NUP155: variants seen among roughly 807,000 people sequenced by gnomAD.
The protein encoded by NUP155 is nucleoporin 155, also known as nuclear pore complex protein Nup155.
In NUP155, 71 loss-of-function variants were observed where a neutral mutation model predicts 180.4. The observed-to-expected ratio is 0.39, with a 90% confidence interval of 0.33 to 0.48. The LOEUF is 0.48. Among genes scored for constraint, NUP155 ranks in the 20% least tolerant of loss-of-function variants. NUP155 has a pLI of 0.91. For missense variants in NUP155, 1,553 were observed against 1,648.9 expected (o/e 0.94, Z 1.01); for synonymous variants, 582 against 559.5 (o/e 1.04, Z -0.57).
intron 10 of NUP155, among the ~76,000 whole-genome samples, chr5:37,342,002 T>C (rs1004892252): frequency 6.6e-6 from 1 of 152,226 alleles, no homozygotes; most frequent in Non-Finnish European, 1.5e-5. Flanking sequence ...TTACAAAATG[T>C]CAGCCACTGC....
intron 9 of NUP155, among the ~76,000 whole-genome samples, chr5:37,346,213 G>C (rs1309284472): frequency 2.0e-5 from 3 of 151,966 alleles, no homozygotes; most frequent in African/African-American, 7.3e-5. Flanking sequence ...AGGAAATTGA[G>C]GCTATAGCAG....
At chr5:37,366,662 CT>C (rs34947301) in intron 1 of NUP155, among the ~76,000 whole-genome samples, 103,616 of 119,294 alleles carry the variant, frequency 0.87, 44,906 homozygotes, top group Middle Eastern at 0.95. Flanking sequence ...TAGTCTCAAT[CT>C]TTTTTTTTTT....
chr5:37,309,985 T>G (rs531638058), intron 23 of NUP155, among the ~76,000 whole-genome samples: 21 of 151,068 alleles, frequency 1.4e-4, no homozygotes, highest in African/African-American at 5.1e-4. Context: ...GAGGTGGAGG[T>G]TGCAGTGAGC....
At chr5:37,295,228 G>T (rs554250119) in intron 32 of NUP155, among the ~76,000 whole-genome samples, 1 of 152,040 alleles carries the variant, frequency 6.6e-6, no homozygotes, top group Non-Finnish European at 1.5e-5. Flanking sequence ...CGTATTTTTT[G>T]GGTGGAGACG....
Position 37,349,178 on chromosome 5 carries a change from T to G in NUP155, c.897A>C (p.Val299=), listed in dbSNP as rs1300468625. The G allele has an allele frequency of 2.7e-6, 2 of 737,274 alleles. No homozygotes were observed. Among genetic ancestry groups the G allele is most frequent in the African/African-American group, 3.6e-5 (2 of 55,826 alleles). The allele number at this position is 737,274 out of a possible 1,614,324, so 45.7% of individuals were successfully genotyped here. ...TAATAATATTAATACTAACCTGTAT[T>G]ACTCCTTTCTCAGATCGTGTATATA... The part of the protein sequence containing the change: ...NILYTRSEKG[V]IQVYDLGQDG... The change falls in exon 8 of 35, where the codon GTA becomes GTC. Residue 299 remains valine (V), a synonymous_variant. Transcript: ENST00000231498.
Position 37,355,634 on chromosome 5 carries a change from A to G in NUP155, c.463+2447T>C, listed in dbSNP as rs1434615059. Among the ~76,000 whole-genome samples the G allele has an allele frequency of 2.6e-5, 4 of 151,572 alleles. No homozygotes were observed. The East Asian group carries it at 5.9e-4, about 22-fold the overall frequency. The stretch of plus-strand genomic sequence containing the variant: ...CACTCTGTTGCCCAGGCTGGAGTGC[A>G]GTGGCGTGATCTTGGCTCACTGCAC... On this transcript the variant is annotated intron_variant, in intron 4 of 34. Transcript: ENST00000231498.
Position 37,294,450 on chromosome 5 carries a change from A to G in NUP155, c.3809T>C (p.Phe1270Ser), listed in dbSNP as rs1340307703. 2 of 1,613,918 alleles carry G rather than the reference A, an allele frequency of 1.2e-6. No individual in the cohort carries two copies. The highest frequency in any genetic ancestry group is 3.3e-5 in the Admixed American group (2 of 60,006). ...CAAAGTACAAACCTGCTGTTCTAAA[A>G]ACTGTACAATAAAATCTGGGAAGAA... is the stretch of plus-strand genomic sequence containing the variant. ...RFFPLDFIVQ[F>S]LEQQVCTLNW... is the part of the protein sequence containing the mutation. Residue 1270 changes from phenylalanine (F) to serine (S), a missense_variant, in exon 33 of 35, where the codon TTT becomes TCT. Phe to Ser is a radical substitution (Grantham distance 155). Coordinates refer to ENST00000231498, the MANE Select transcript of NUP155 (RefSeq NM_153485.3).
chr5:37,367,884 A>G (rs1178223258), intron 1 of NUP155, among the ~76,000 whole-genome samples: 1 of 151,932 alleles, frequency 6.6e-6, no homozygotes, highest in Admixed American at 6.6e-5. Context: ...CCCTGGTTCA[A>G]GCGATTGTCC....
intron 32 of NUP155, among the ~76,000 whole-genome samples, chr5:37,297,837 G>T (rs1209080830): frequency 6.6e-6 from 1 of 151,194 alleles, no homozygotes; most frequent in African/African-American, 2.4e-5. Flanking sequence ...ACCTACAAAA[G>T]TAAGGGTATG....
At chr5:37,348,093 C>T (rs1401195179) in intron 9 of NUP155, among the ~76,000 whole-genome samples, 1 of 152,072 alleles carries the variant, frequency 6.6e-6, no homozygotes, top group Non-Finnish European at 1.5e-5. Flanking sequence ...GAGATAGCAC[C>T]ACTGCACTCC....
chr5:37,307,950 A>AT (rs1302529938), intron 24 of NUP155, among the ~76,000 whole-genome samples: 112 of 85,072 alleles, frequency 1.3e-3, no homozygotes, highest in African/African-American at 3.0e-3. Flanking sequence ...AGGAAAAAAA[A>AT]AAATATATAT....
Position 37,342,563 on chromosome 5 carries a change from G to A in NUP155, c.1079C>T (p.Ala360Val), listed in dbSNP as rs1268925651. 3 of 1,606,802 alleles carry A rather than the reference G, an allele frequency of 1.9e-6. No homozygotes were observed. Among genetic ancestry groups the A allele is most frequent in the Non-Finnish European group, 2.6e-6 (3 of 1,173,476 alleles). Residue 360 changes from alanine (A) to valine (V), a missense_variant, in exon 10 of 35, where the codon GCT (alanine) becomes GTT (valine). Coordinates refer to ENST00000231498, the MANE Select transcript of NUP155 (RefSeq NM_153485.3). ...AAACAACATACCTGCATGTGTGACAGCCAATAACTGACAGTCCAGTGATTC... is the reference window on the plus strand; with the variant it reads ...AAACAACATACCTGCATGTGTGACAACCAATAACTGACAGTCCAGTGATTC... ...NSESLDCQLL[A>V]VTHAGVRLYF... is the part of the protein sequence containing the mutation.
At chr5:37,331,978 G>A (rs981915632) in intron 13 of NUP155, among the ~76,000 whole-genome samples, 183 bp from the exon 14 acceptor site, 7 of 152,090 alleles carry the variant, frequency 4.6e-5, no homozygotes, top group Non-Finnish European at 1.0e-4. Flanking sequence ...GAGGCAGGAG[G>A]AATGGCTGAG....
chr5:37,341,215 G>T lies in NUP155; in HGVS notation c.1121C>A (p.Pro374Gln), dbSNP rs770223516. 3 of 1,613,836 alleles carry T rather than the reference G, an allele frequency of 1.9e-6. No individual in the cohort carries two copies. In the African/African-American group the frequency reaches 4.0e-5, roughly 22 times the overall value. The change falls in exon 11 of 35, where the codon CCA becomes CAA. Residue 374 changes from proline (P) to glutamine (Q), a missense_variant. Pro to Gln is a moderately conservative substitution (Grantham distance 76, BLOSUM62 -1). Coordinates refer to ENST00000231498, the MANE Select transcript of NUP155 (RefSeq NM_153485.3). ...AGGCCGTGCTAATGGCTGTCTGAAT[G>T]GACAAGTGCTAAAATATAACCTAAC... is the stretch of plus-strand genomic sequence containing the variant. The part of the protein sequence containing the change: ...AGVRLYFSTC[P>Q]FRQPLARPNT...
rs543202127 is a variant in NUP155, at chr5:37,367,650, A to G, written c.157+3171T>C. Among the ~76,000 whole-genome samples the G allele has an allele frequency of 5.8e-3, 870 of 149,976 alleles. 10 individuals are homozygous for G. The highest frequency in any genetic ancestry group is 0.02 in the African/African-American group (826 of 40,594). On this transcript the variant is annotated intron_variant, in intron 1 of 34. Transcript: ENST00000231498. ...CGGGTTCACACCATTCTCCTGTCTC[A>G]GCCTCCGGAGTAGCTGGGACTATAG...
rs137979451 is a variant in NUP155, at chr5:37,369,742, C to T, written c.157+1079G>A. 7.6e-3 allele frequency among the ~76,000 whole-genome samples: 1,161 copies of T among 152,294 alleles called. 14 individuals carry two copies. The highest frequency in any genetic ancestry group is 0.026 in the African/African-American group (1,099 of 41,548). On this transcript the variant is annotated intron_variant, in intron 1 of 34. Transcript: ENST00000231498. The stretch of plus-strand genomic sequence containing the variant: ...TTTTATAAATAATCAGAAGTGTTCT[C>T]GGTTTACACTGCACAAATTATCCTA...
chr5:37,343,164 T>C (rs1015904364), intron 9 of NUP155, among the ~76,000 whole-genome samples: 4 of 152,090 alleles, frequency 2.6e-5, no homozygotes, highest in African/African-American at 9.7e-5. Flanking sequence ...AAGCTCCACC[T>C]GCCAGGTTCA....
At chr5:37,303,691 A>G (rs183229635) in intron 27 of NUP155, among the ~76,000 whole-genome samples, 498 of 152,296 alleles carry the variant, frequency 3.3e-3, no homozygotes, top group Admixed American at 4.8e-3. Flanking sequence ...CATGTCTGTA[A>G]TCCTCGCACT....
rs541591806 is a variant in NUP155 at position 37,289,673 on chromosome 5, G to A, written c.*2227C>T. 6.6e-6 allele frequency: 1 copy of A among 152,310 alleles called. No individual in the cohort carries two copies. The highest frequency in any genetic ancestry group is 6.5e-5 in the Admixed American group (1 of 15,284). 9.4% of individuals were successfully genotyped at this position (152,310 alleles called of 1,614,324 possible). The stretch of plus-strand genomic sequence containing the variant: ...GACTCTAACAGACCATCTAACCATG[G>A]AAGCCTACAGCCCTTTTAAAACATG... On this transcript the variant is annotated 3_prime_UTR_variant, in exon 35 of 35. Transcript: ENST00000231498.
Sources: gnomAD v4.1 joint callset for allele counts (sites outside exome capture counted in the v4.1 genomes callset) on GRCh38, gnomAD v4.1.1 for gene constraint, MANE v1.5 for transcripts, NCBI Gene and HGNC (gene_info 2026-07-23, HGNC 2026-07-21) for gene names.